PUS1: variants seen among roughly 807,000 people sequenced by gnomAD.
PUS1 encodes pseudouridylate synthase 1 homolog.
In PUS1, 25 loss-of-function variants were observed where a neutral mutation model predicts 38.5. That is an observed-to-expected ratio of 0.65 (90% CI 0.47 to 0.91). The LOEUF (loss-of-function observed/expected upper bound fraction) is 0.91, where lower values mean the gene tolerates loss of function less well. PUS1 is among the 40% of genes least tolerant of loss of function. The pLI is 0.00. For missense variants in PUS1, 597 were observed against 612.3 expected (o/e 0.97, Z 0.26); for synonymous variants, 282 against 260.4 (o/e 1.08, Z -0.80).
intron 3 of PUS1, chr12:131,932,613 C>A: frequency 2.0e-6 from 1 of 512,382 alleles, no homozygotes; most frequent in Admixed American, 3.2e-5. Context: ...GCAATGTCTG[C>A]TTTCGACCCT....
intron 3 of PUS1, among the ~76,000 whole-genome samples, chr12:131,934,232 A>T (rs1890729154): frequency 6.6e-6 from 1 of 152,234 alleles, no homozygotes. Flanking sequence ...AAGCCCGCTG[A>T]TGACTGCGGG....
rs1891197672 is a variant in PUS1, at chr12:131,943,988, C to T, written c.*402C>T. The T allele has an allele frequency of 3.8e-6, 1 of 264,354 alleles. No individual in the cohort carries two copies. The highest frequency in any genetic ancestry group is 4.2e-5 in the South Asian group (1 of 23,808). 16.4% of individuals were successfully genotyped at this position (264,354 alleles called of 1,614,324 possible). A position where few individuals can be genotyped will look rare whatever the true frequency, so the allele number is the denominator to read the frequency against. On this transcript the variant is annotated 3_prime_UTR_variant, in exon 6 of 6. Transcript: ENST00000376649. ...GAAAGGCCCAGGAGGTTGGCTCAGC[C>T]TGTAATCCCAGCACTTGGGAGGCTG... is the stretch of plus-strand genomic sequence containing the variant.
At chr12:131,932,781 C>T in intron 3 of PUS1, 2 of 444,982 alleles carry the variant, frequency 4.5e-6, no homozygotes, top group Admixed American at 2.5e-5. Flanking sequence ...TGGCTCACTG[C>T]AGTCTCAAAC....
chr12:131,937,936 C>T (rs1890901667), intron 3 of PUS1, among the ~76,000 whole-genome samples: 1 of 152,200 alleles, frequency 6.6e-6, no homozygotes, highest in Non-Finnish European at 1.5e-5. Flanking sequence ...CTCCAAGGGA[C>T]TGTGACATCC....
chr12:131,936,840 G>C (rs1050690920), intron 3 of PUS1, among the ~76,000 whole-genome samples: 12 of 151,392 alleles, frequency 7.9e-5, no homozygotes, highest in African/African-American at 2.7e-4. Context: ...AGGGAGTCGA[G>C]GTTGCGTCAC....
intron 4 of PUS1, among the ~76,000 whole-genome samples, chr12:131,940,709 G>A (rs533249536): frequency 1.3e-5 from 2 of 152,168 alleles, no homozygotes; most frequent in South Asian, 4.2e-4. Context: ...AGCCTTCCCA[G>A]TAGCTGGGAT....
chr12:131,932,132 C>G, intron 2 of PUS1, 43 bp from the exon 3 acceptor site: 1 of 1,593,164 alleles, frequency 6.3e-7, no homozygotes, highest in Non-Finnish European at 8.6e-7. Context: ...ATGGCGACCT[C>G]TGTCTGCAAA....
chr12:131,937,816 G>A (rs751427522), intron 3 of PUS1, among the ~76,000 whole-genome samples: 20 of 152,126 alleles, frequency 1.3e-4, no homozygotes, highest in Non-Finnish European at 2.2e-4. Flanking sequence ...AAAGTACTGG[G>A]ATTATGAATG....
Position 131,929,899 on chromosome 12 carries a change from C to A in PUS1, c.75-8C>A. On this transcript the variant is annotated splice_polypyrimidine_tract_variant and splice_region_variant and intron_variant, in intron 1 of 5. Coordinates refer to ENST00000376649, the MANE Select transcript of PUS1 (RefSeq NM_025215.6). ...GCGGGCCCCCGCTCACGCCGCCCTT[C>A]TCCGCAGCTCGCCGCGCATGGCCGG... 6.9e-7 allele frequency: 1 copy of A among 1,448,632 alleles called. No individual in the cohort carries two copies. The highest frequency in any genetic ancestry group is 9.1e-7 in the Non-Finnish European group (1 of 1,103,794). 89.7% of individuals were successfully genotyped at this position (1,448,632 alleles called of 1,614,324 possible).
chr12:131,931,888 T>C (rs1207840214), intron 2 of PUS1: 2 of 599,438 alleles, frequency 3.3e-6, no homozygotes, highest in Admixed American at 2.9e-5. Context: ...CCCACGGCAC[T>C]GATTTTGTAA....
Position 131,945,251 on chromosome 12 carries a change from C to T in PUS1, c.*1665C>T, listed in dbSNP as rs1891248681. ...TGGGAGATGCTTCAGGCAGTGAGCT[C>T]CTAGGGCGTGGGGTGCCCAAGAGAG... On this transcript the variant is annotated 3_prime_UTR_variant, in exon 6 of 6. Transcript: ENST00000376649. The T allele has an allele frequency of 6.6e-6, 1 of 152,390 alleles. No homozygotes were observed. Among genetic ancestry groups the T allele is most frequent in the Non-Finnish European group, 1.5e-5 (1 of 68,168 alleles). 9.4% of individuals were successfully genotyped at this position (152,390 alleles called of 1,614,324 possible). A position where few individuals can be genotyped will look rare whatever the true frequency, so the allele number is the denominator to read the frequency against.
chr12:131,943,608 G>T lies in PUS1; in HGVS notation c.*22G>T. 1 of 1,606,270 alleles carries T rather than the reference G, an allele frequency of 6.2e-7. No individual in the cohort carries two copies. Among genetic ancestry groups the T allele is most frequent in the South Asian group, 1.1e-5 (1 of 90,896 alleles). On this transcript the variant is annotated 3_prime_UTR_variant, in exon 6 of 6. Coordinates refer to ENST00000376649, the MANE Select transcript of PUS1 (RefSeq NM_025215.6). ...CTGAGGCGATGGGAGCTGCCCACCA[G>T]AGTGCCTCTGAGCAGCTCACAGTGT...
intron 3 of PUS1, chr12:131,932,651 T>C (rs1890657190): frequency 2.2e-6 from 1 of 452,870 alleles, no homozygotes; most frequent in African/African-American, 2.0e-5. Flanking sequence ...GAGGCAGATG[T>C]AATTGTGTGG....
chr12:131,939,956 C>G (rs527631669), intron 4 of PUS1, among the ~76,000 whole-genome samples: 2 of 152,178 alleles, frequency 1.3e-5, no homozygotes, highest in South Asian at 2.1e-4. Context: ...AATCTGTCGT[C>G]TTGCTCTCTG....
chr12:131,939,646 C>T (rs968887340), intron 4 of PUS1, among the ~76,000 whole-genome samples: 8 of 152,084 alleles, frequency 5.3e-5, no homozygotes, highest in Non-Finnish European at 1.2e-4. Flanking sequence ...ATAATACATT[C>T]GTTCATTCAT....
At chr12:131,942,631 C>T (rs1025543048) in intron 5 of PUS1, among the ~76,000 whole-genome samples, 3 of 152,184 alleles carry the variant, frequency 2.0e-5, no homozygotes, top group African/African-American at 7.2e-5. Flanking sequence ...TGGTCTTGAT[C>T]TCCTGACCTT....
Position 131,943,526 on chromosome 12 carries a change from T to A in PUS1, c.1237-13T>A. ...TGCTTGCCTCTTATTCTCCATGTGG[T>A]CTTCTTCTGCAGGTGCCCAGTCCCC... On this transcript the variant is annotated splice_polypyrimidine_tract_variant and intron_variant, in intron 5 of 5. Coordinates refer to ENST00000376649, the MANE Select transcript of PUS1 (RefSeq NM_025215.6). 6.2e-7 allele frequency: 1 copy of A among 1,611,890 alleles called. No homozygotes were observed. Among genetic ancestry groups the A allele is most frequent in the Non-Finnish European group, 8.5e-7 (1 of 1,178,126 alleles).
At chr12:131,933,630 A>G (rs1327421836) in intron 3 of PUS1, among the ~76,000 whole-genome samples, 2 of 152,220 alleles carry the variant, frequency 1.3e-5, no homozygotes, top group Admixed American at 1.3e-4. Context: ...GCACATGCCA[A>G]GTGGTCCTGT....
At chr12:131,940,396 T>C (rs1243145433) in intron 4 of PUS1, among the ~76,000 whole-genome samples, 6 of 152,154 alleles carry the variant, frequency 3.9e-5, no homozygotes, top group Non-Finnish European at 7.3e-5. Context: ...TCCTTCTCAT[T>C]GCTGCGGGGT....
Sources: allele counts gnomAD v4.1 joint callset (sites outside exome capture counted in the v4.1 genomes callset), GRCh38; gene constraint gnomAD v4.1.1; transcripts MANE v1.5; gene names NCBI Gene and HGNC (gene_info 2026-07-23, HGNC 2026-07-21).